The following ABR variants were observed in gnomAD, a reference collection of about 807,000 sequenced individuals.
ABR encodes the protein ABR activator of RhoGEF and GTPase, also known as active breakpoint cluster region-related protein.
In ABR, 35 loss-of-function variants were observed where a neutral mutation model predicts 107.2. That is an observed-to-expected ratio of 0.33 (90% CI 0.25 to 0.43). The LOEUF (loss-of-function observed/expected upper bound fraction) is 0.43. ABR is among the 20% of genes least tolerant of loss of function. The pLI is 1.00. For missense variants in ABR, 815 were observed against 1,115.2 expected, an observed-to-expected ratio of 0.73 and a Z score of 3.83; for synonymous variants, 498 against 462.0, an observed-to-expected ratio of 1.08 and a Z score of -1.00.
chr17:1,166,957 C>G (rs978822143), intron 1 of ABR, among the ~76,000 whole-genome samples: 3 of 152,096 alleles, frequency 2.0e-5, no homozygotes, highest in Non-Finnish European at 2.9e-5. Flanking sequence ...GAGCTGAGAT[C>G]GCGCCACTGC....
intron 16 of ABR, among the ~76,000 whole-genome samples, chr17:1,018,043 A>T (rs1254409553): frequency 2.0e-5 from 3 of 150,386 alleles, no homozygotes; most frequent in Non-Finnish European, 4.4e-5. Flanking sequence ...CTTATTTTTT[A>T]TTTATTTATT....
intron 1 of ABR, among the ~76,000 whole-genome samples, chr17:1,221,137 C>A (rs543718177): frequency 6.6e-6 from 1 of 152,192 alleles, no homozygotes; most frequent in Non-Finnish European, 1.5e-5. Flanking sequence ...TAGCTGCCTA[C>A]GCAATATCAA....
chr17:1,226,849 T>C (rs2043231549), intron 1 of ABR, among the ~76,000 whole-genome samples: 1 of 152,170 alleles, frequency 6.6e-6, no homozygotes, highest in African/African-American at 2.4e-5. Context: ...CAGTGTACCA[T>C]GTATATACAT....
intron 4 of ABR, among the ~76,000 whole-genome samples, chr17:1,087,980 A>G (rs1414949804): frequency 6.6e-6 from 1 of 152,168 alleles, no homozygotes; most frequent in African/African-American, 2.4e-5. Context: ...TGATCTCATA[A>G]AACAAACAGC....
At chr17:1,156,206 A>T (rs2041034963) in intron 1 of ABR, 1 of 152,296 alleles carries the variant, frequency 6.6e-6, no homozygotes, top group Non-Finnish European at 1.5e-5. Context: ...GGAAGAGCCT[A>T]GGCCTCCGGC....
intron 16 of ABR, among the ~76,000 whole-genome samples, chr17:1,021,310 C>T (rs1472723110): frequency 1.3e-5 from 2 of 152,202 alleles, no homozygotes; most frequent in Admixed American, 1.3e-4. Context: ...AAGCCGCTTC[C>T]CTCAGGAGCC....
At chr17:1,114,378 A>G (rs1004256377) in intron 2 of ABR, among the ~76,000 whole-genome samples, 12 of 151,724 alleles carry the variant, frequency 7.9e-5, no homozygotes, top group Non-Finnish European at 1.6e-4. Context: ...GATGAGGCAC[A>G]AGAATTCCTT....
intron 1 of ABR, among the ~76,000 whole-genome samples, chr17:1,141,093 C>T (rs2040266982): frequency 6.6e-6 from 1 of 152,158 alleles, no homozygotes; most frequent in Admixed American, 6.6e-5. Context: ...CTTGGGAAAG[C>T]TCAGCTGAAG....
Position 1,011,047 on chromosome 17 carries a change from CAG to C in ABR, c.2102-186_2102-185del, listed in dbSNP as rs2070493450. On this transcript the variant is annotated intron_variant, in intron 19 of 22. Transcript: ENST00000302538. The surrounding 1 kb of genome is among the most constrained non-coding windows in gnomAD (Gnocchi z 4.8). ...GCTCTGTGGGTCGGGGTTGGGGGAA[CAG>C]GGAGAGATAGCCTGGGGGCCATCTG... 1.4e-6 allele frequency: 1 copy of C among 715,374 alleles called. No individual in the cohort carries two copies. Among genetic ancestry groups the C allele is most frequent in the Admixed American group, 2.8e-5 (1 of 35,942 alleles). The allele number at this position is 715,374 out of a possible 1,614,324, so 44.3% of individuals were successfully genotyped here.
chr17:1,205,716 G>C (rs1317640526), intron 1 of ABR, among the ~76,000 whole-genome samples: 2 of 152,206 alleles, frequency 1.3e-5, no homozygotes, highest in African/African-American at 4.8e-5. Context: ...AGGCCCAGGC[G>C]GGCAGATCAC....
chr17:1,036,634 G>A (rs1239165096), intron 16 of ABR, among the ~76,000 whole-genome samples: 1 of 151,836 alleles, frequency 6.6e-6, no homozygotes, highest in Non-Finnish European at 1.5e-5. Flanking sequence ...GGAGCCCGGG[G>A]TGCCCAGCGC....
chr17:1,125,510 G>GGGGGCC (rs1254556028), intron 1 of ABR, 143 bp from the exon 2 acceptor site: 1 of 760,548 alleles, frequency 1.3e-6, no homozygotes, highest in African/African-American at 1.9e-5. Flanking sequence ...GGGGCTGTGC[G>GGGGGCC]GGGGCCTGGG....
chr17:1,212,561 C>T (rs934680719), intron 1 of ABR, among the ~76,000 whole-genome samples: 8 of 152,128 alleles, frequency 5.3e-5, no homozygotes, highest in South Asian at 2.1e-4. Context: ...TCGAGACTGG[C>T]CTGGCCAACA....
At position 1,013,098 on chromosome 17, in the gene ABR, G is replaced by T. The variant is rs143125780; in HGVS notation, c.1851+7C>A. 54 of 1,613,804 alleles carry T rather than the reference G, an allele frequency of 3.3e-5. No individual in the cohort carries two copies. Among genetic ancestry groups the T allele is most frequent in the Non-Finnish European group, 4.5e-5 (53 of 1,179,906 alleles). On this transcript the variant is annotated splice_region_variant and intron_variant, in intron 17 of 22. Coordinates refer to ENST00000302538, the MANE Select transcript of ABR (RefSeq NM_021962.5). Reference sequence around the variant, plus strand: ...CACGCCACTGATCATTCCCATCCCCGGCTCACCCCGTTCATCTCAATCACG... The same window carrying T: ...CACGCCACTGATCATTCCCATCCCCTGCTCACCCCGTTCATCTCAATCACG...
intron 2 of ABR, among the ~76,000 whole-genome samples, chr17:1,121,430 G>A (rs901760771): frequency 6.6e-6 from 1 of 152,256 alleles, no homozygotes; most frequent in Non-Finnish European, 1.5e-5. Context: ...TGTGGGCCCT[G>A]GTGGCCAAGG....
intron 10 of ABR, among the ~76,000 whole-genome samples, chr17:1,062,426 G>A (rs1229359897): frequency 7.0e-6 from 1 of 142,284 alleles, no homozygotes; most frequent in Non-Finnish European, 1.6e-5. Flanking sequence ...TGAACTGAGG[G>A]CTATGCATGT....
In ABR at chr17:1,179,786, G is replaced by T; in HGVS notation, c.-59C>A. The stretch of plus-strand genomic sequence containing the variant: ...GACCCTCATCGCGCAACAAAGGAGG[G>T]AGAGCGGGCGGGAGCCGGGGGAGGC... On this transcript the variant is annotated 5_prime_UTR_variant, in exon 1 of 23. Coordinates refer to ENST00000302538, the MANE Select transcript of ABR (RefSeq NM_021962.5). The surrounding 1 kb of genome is among the most constrained non-coding windows in gnomAD (Gnocchi z 4.9). The T allele has an allele frequency of 7.7e-7, 1 of 1,296,606 alleles. No individual in the cohort carries two copies. The highest frequency in any genetic ancestry group is 1.0e-6 in the Non-Finnish European group (1 of 977,316). The allele number at this position is 1,296,606 out of a possible 1,614,324, so 80.3% of individuals were successfully genotyped here. A position where few individuals can be genotyped will look rare whatever the true frequency, so the allele number is the denominator to read the frequency against.
intron 1 of ABR, among the ~76,000 whole-genome samples, chr17:1,214,456 T>C (rs993251157): frequency 6.6e-6 from 1 of 152,156 alleles, no homozygotes; most frequent in African/African-American, 2.4e-5. Context: ...ATATCTACAG[T>C]TAATAGCAAT....
intron 1 of ABR, among the ~76,000 whole-genome samples, chr17:1,136,311 C>T (rs2040065397): frequency 8.4e-6 from 1 of 119,430 alleles, no homozygotes; most frequent in South Asian, 2.7e-4. Context: ...TCACTGCAAG[C>T]TCCACCTCCC....
Sources: gnomAD v4.1 joint callset for allele counts (sites outside exome capture counted in the v4.1 genomes callset) on GRCh38, gnomAD v4.1.1 for gene constraint, Gnocchi (gnomAD v3.1) non-coding constraint, MANE v1.5 for transcripts, NCBI Gene and HGNC (gene_info 2026-07-23, HGNC 2026-07-21) for gene names.